The following SPARCL1 variants were observed in gnomAD, a reference collection of about 807,000 sequenced individuals.
The protein encoded by SPARCL1 is SPARC like 1.
Under a neutral mutation model 67.1 loss-of-function variants are expected in SPARCL1, and 52 were observed. The observed-to-expected ratio is 0.78, with a 90% CI of 0.62 to 0.98. The LOEUF is 0.98. SPARCL1 is among the 50% of genes least tolerant of loss of function. SPARCL1 has a pLI of 0.00. For missense variants in SPARCL1, 717 were observed against 782.4 expected, an observed-to-expected ratio of 0.92 and a Z score of 1.00; for synonymous variants, 226 against 267.8, an observed-to-expected ratio of 0.84 and a Z score of 1.52.
rs1459139265 is a variant in SPARCL1 at position 87,513,787 on chromosome 4, A to G, written c.-11-14202T>C. Reference sequence around the variant, plus strand: ...CAAGCTTCCCAGGAGCTAGTTCCAGAACATATTTACTTTTAGTTCACTCAT... The same window carrying G: ...CAAGCTTCCCAGGAGCTAGTTCCAGGACATATTTACTTTTAGTTCACTCAT... On this transcript the variant is annotated intron_variant, in intron 1 of 10. Transcript: ENST00000282470. 3.3e-5 allele frequency among the ~76,000 whole-genome samples: 5 copies of G among 152,310 alleles called. No homozygotes were observed. The South Asian group carries it at 1.0e-3, about 32-fold the overall frequency.
intron 2 of SPARCL1, 84 bp downstream of exon 2, chr4:87,499,437 A>T (rs1724756419): frequency 9.2e-7 from 1 of 1,088,668 alleles, no homozygotes; most frequent in Non-Finnish European, 1.4e-6. Context: ...AAACCATTAT[A>T]TAAGAACATT....
At chr4:87,497,328 T>G in intron 2 of SPARCL1, 2 of 505,224 alleles carry the variant, frequency 4.0e-6, no homozygotes, top group Non-Finnish European at 5.1e-6. Flanking sequence ...TTTGGTAAGC[T>G]GCCAGCAGGG....
chr4:87,480,346 G>A, intron 9 of SPARCL1, 26 bp downstream of exon 9: 1 of 1,527,978 alleles, frequency 6.5e-7, no homozygotes, highest in Non-Finnish European at 8.8e-7. Context: ...GATAAATCTA[G>A]AAATGGAAAG....
At position 87,494,323 on chromosome 4, in the gene SPARCL1, CTT is replaced by C; in HGVS notation, c.475_476del (p.Lys159GlufsTer9). On this transcript the variant is annotated frameshift_variant, in exon 4 of 11. Coordinates refer to ENST00000282470, the MANE Select transcript of SPARCL1 (RefSeq NM_004684.6). LOFTEE classifies it high-confidence loss of function. Reference sequence around the variant, plus strand: ...TAGGTTGTTCTTGGTTTTCCTCTCTCTTTGTGATACTTTCTTGTTGGTTAGAA... The same window carrying C: ...TAGGTTGTTCTTGGTTTTCCTCTCTCTGTGATACTTTCTTGTTGGTTAGAA... ...TDSNQQESIT[K>X]REENQEQPRN... 6.2e-7 allele frequency: 1 copy of C among 1,614,178 alleles called. No individual in the cohort carries two copies. Among genetic ancestry groups the C allele is most frequent in the Non-Finnish European group, 8.5e-7 (1 of 1,180,034 alleles).
chr4:87,497,596 G>A (rs180725173), intron 2 of SPARCL1, among the ~76,000 whole-genome samples: 3 of 152,258 alleles, frequency 2.0e-5, no homozygotes, highest in Admixed American at 2.0e-4. Context: ...GAGAATTCAG[G>A]CAGGCAGGGA....
intron 1 of SPARCL1, among the ~76,000 whole-genome samples, chr4:87,517,760 T>G (rs1725643197): frequency 6.6e-6 from 1 of 152,224 alleles, no homozygotes; most frequent in South Asian, 2.1e-4. Flanking sequence ...GGAGAGGAAT[T>G]TCAAGTGCTT....
chr4:87,491,951 CCCCCAAA>C (rs1208799565), intron 4 of SPARCL1, among the ~76,000 whole-genome samples: 161 of 59,068 alleles, frequency 2.7e-3, no homozygotes, highest in Middle Eastern at 0.011. Context: ...CCCACCCCCC[CCCCCAAA>C]AAAAAAAAAA....
chr4:87,480,310 T>G, intron 9 of SPARCL1, 62 bp downstream of exon 9: 1 of 1,389,426 alleles, frequency 7.2e-7, no homozygotes. Context: ...TCCTTTTGCA[T>G]AGATATGTAG....
At chr4:87,476,405 C>T (rs1723585746) in intron 10 of SPARCL1, among the ~76,000 whole-genome samples, 2 of 152,160 alleles carry the variant, frequency 1.3e-5, no homozygotes, top group Admixed American at 6.5e-5. Context: ...TTCAAGTTCT[C>T]ATCAGCTCTT....
intron 7 of SPARCL1, among the ~76,000 whole-genome samples, chr4:87,483,492 G>C (rs183278912): frequency 7.9e-5 from 12 of 152,260 alleles, no homozygotes; most frequent in African/African-American, 2.9e-4. Context: ...ATCACTGATG[G>C]GCATTTTGGT....
chr4:87,485,028 T>C (rs924692768), intron 7 of SPARCL1, among the ~76,000 whole-genome samples: 3 of 151,946 alleles, frequency 2.0e-5, no homozygotes, highest in Non-Finnish European at 4.4e-5. Context: ...CAATTTGACT[T>C]CCTGTCTTCC....
intron 7 of SPARCL1, among the ~76,000 whole-genome samples, chr4:87,482,931 T>A (rs1413047680): frequency 6.6e-6 from 1 of 152,126 alleles, no homozygotes; most frequent in Non-Finnish European, 1.5e-5. Flanking sequence ...GAGAAAAAGG[T>A]AGCTATTAGC....
At position 87,482,565 on chromosome 4, in the gene SPARCL1, T is replaced by C. The variant is rs766226794; in HGVS notation, c.1532-5A>G. 1.9e-6 allele frequency: 3 copies of C among 1,613,860 alleles called. No individual in the cohort carries two copies. Among genetic ancestry groups the C allele is most frequent in the East Asian group, 4.5e-5 (2 of 44,884 alleles). ...AGTCCGTACAAGTAGGAATAGCTGT[T>C]ACAAGCAGAAAATGTACTGTAATCT... On this transcript the variant is annotated splice_region_variant and splice_polypyrimidine_tract_variant and intron_variant, in intron 7 of 10. Transcript: ENST00000282470.
chr4:87,508,782 A>ATGTGTGTG (rs71667857), intron 1 of SPARCL1, among the ~76,000 whole-genome samples: 3,759 of 140,024 alleles, frequency 0.027, 77 homozygotes, highest in African/African-American at 0.046. Context: ...GATGAAACAT[A>ATGTGTGTG]TGTGTGTGTG....
rs71667858 is a variant in SPARCL1, at chr4:87,511,967, C to CTCTTTTTTT, written c.-11-12383_-11-12382insAAAAAAAGA. Among the ~76,000 whole-genome samples the CTCTTTTTTT allele has an allele frequency of 9.2e-3, 1,114 of 121,518 alleles. 35 individuals carry two copies. The highest frequency in any genetic ancestry group is 0.034 in the African/African-American group (1,066 of 31,410). The allele number at this position is 121,518 out of a possible 152,430, so 79.7% of individuals were successfully genotyped here. A position where few individuals can be genotyped will look rare whatever the true frequency, so the allele number is the denominator to read the frequency against. ...TTCCTTTCCTTTCCTCTTTCTTTCT[C>CTCTTTTTTT]TTTTTTTTTTTTTTTGAGACAGAGT... is the stretch of plus-strand genomic sequence containing the variant. On this transcript the variant is annotated intron_variant, in intron 1 of 10. Transcript: ENST00000282470.
At position 87,490,375 on chromosome 4, in the gene SPARCL1, G is replaced by A; in HGVS notation, c.1429C>T (p.Gln477Ter). 2 of 1,609,742 alleles carry A rather than the reference G, an allele frequency of 1.2e-6. No homozygotes were observed. Among genetic ancestry groups the A allele is most frequent in the Non-Finnish European group, 1.7e-6 (2 of 1,178,680 alleles). ...AGATGACAGGAACTAGCATAGGTCT[G>A]ATTGTCAGTGCCACAAACCTATGGA... ...PLDQVCGTDN[Q>*]TYASSCHLFA... The change falls in exon 7 of 11, where the codon CAG (glutamine) becomes TAG (stop). Residue 477 changes from glutamine (Q) to a stop codon, truncating the protein, a stop_gained. Transcript: ENST00000282470. LOFTEE classifies it high-confidence loss of function.
rs1327080162 is a variant in SPARCL1, at chr4:87,490,825, G to A, written c.1345C>T (p.Gln449Ter). 6.2e-7 allele frequency: 1 copy of A among 1,612,732 alleles called. No individual in the cohort carries two copies. Among genetic ancestry groups the A allele is most frequent in the Non-Finnish European group, 8.5e-7 (1 of 1,179,322 alleles). ...KRGHICKADQ[Q>*]GKPHCVCQDP... ...TGGCAGACACAGTGAGGTTTTCCCT[G>A]TTGGTCTGCCTTACAGATGTGGCCT... Residue 449 changes from glutamine (Q) to a stop codon, truncating the protein, a stop_gained, in exon 6 of 11, where the codon CAG becomes TAG. Transcript: ENST00000282470. LOFTEE classifies it high-confidence loss of function.
chr4:87,506,902 A>G (rs1725109574), intron 1 of SPARCL1, among the ~76,000 whole-genome samples: 1 of 151,980 alleles, frequency 6.6e-6, no homozygotes, highest in African/African-American at 2.4e-5. Context: ...CATCTAATTC[A>G]GTTTTGTGAG....
chr4:87,518,215 G>A (rs6850409), intron 1 of SPARCL1, among the ~76,000 whole-genome samples: 27,311 of 151,946 alleles, frequency 0.18, 2,598 homozygotes, highest in Non-Finnish European at 0.22. Flanking sequence ...AAAATGTTAA[G>A]AAGATGCCTT....
Sources: gnomAD v4.1 joint callset for allele counts (sites outside exome capture counted in the v4.1 genomes callset) on GRCh38, gnomAD v4.1.1 for gene constraint, MANE v1.5 for transcripts, NCBI Gene and HGNC (gene_info 2026-07-23, HGNC 2026-07-21) for gene names.